The following AGBL4 variants were observed in gnomAD, a reference collection of about 807,000 sequenced individuals.
AGBL4 encodes the protein AGBL carboxypeptidase 4.
A neutral mutation model predicts 66.4 loss-of-function variants in AGBL4; 58 were observed. That is an observed-to-expected ratio of 0.87 (90% CI 0.71 to 1.09). The LOEUF (loss-of-function observed/expected upper bound fraction) is 1.09, where lower values mean the gene tolerates loss of function less well. AGBL4 is among the 50% of genes least tolerant of loss of function. AGBL4 has a pLI of 0.00. For synonymous variants in AGBL4, 234 were observed against 222.9 expected (o/e 1.05, Z -0.44); for missense variants, 579 against 631.0 (o/e 0.92, Z 0.88).
intron 3 of AGBL4, among the ~76,000 whole-genome samples, chr1:49,690,144 A>G (rs959048944): frequency 2.0e-5 from 3 of 152,108 alleles, no homozygotes; most frequent in African/African-American, 7.2e-5. Flanking sequence ...TTTTTGCAAT[A>G]AAGTGTTTCT....
rs1375300552 is a variant in AGBL4, at chr1:49,724,379, ATATAAT to A, written c.158-26948_158-26943del. Among the ~76,000 whole-genome samples the A allele has an allele frequency of 2.6e-5, 4 of 152,184 alleles. No individual in the cohort carries two copies. The East Asian group carries it at 7.7e-4, about 29-fold the overall frequency. ...TATTGACTACAAACTGTAGGTCAACATATAATTATTGTTGTGGCTATAACAGCAAAC... is the reference window on the plus strand; with the variant it reads ...TATTGACTACAAACTGTAGGTCAACATATTGTTGTGGCTATAACAGCAAAC... On this transcript the variant is annotated intron_variant, in intron 2 of 13. Coordinates refer to ENST00000371839, the MANE Select transcript of AGBL4 (RefSeq NM_032785.4).
chr1:48,672,604 C>G (rs1450850127), intron 6 of AGBL4, among the ~76,000 whole-genome samples: 3 of 152,198 alleles, frequency 2.0e-5, no homozygotes, highest in Non-Finnish European at 2.9e-5. Flanking sequence ...AAGATCTGTT[C>G]CTTAACTTGC....
chr1:49,420,652 G>A (rs1204941127), intron 3 of AGBL4, among the ~76,000 whole-genome samples: 1 of 148,016 alleles, frequency 6.8e-6, no homozygotes, highest in African/African-American at 2.5e-5. Flanking sequence ...CGTGAGCCGA[G>A]ATCGCACCAC....
intron 6 of AGBL4, among the ~76,000 whole-genome samples, chr1:48,819,047 A>G (rs1329150786): frequency 1.3e-5 from 2 of 152,180 alleles, no homozygotes; most frequent in East Asian, 1.9e-4. Context: ...TCAAAGCTTC[A>G]TGAAATATTG....
At chr1:48,539,591 A>G (rs1644030102) in intron 12 of AGBL4, 51 bp downstream of exon 12, 1 of 1,392,174 alleles carries the variant, frequency 7.2e-7, no homozygotes, top group Non-Finnish European at 9.6e-7. Flanking sequence ...GCCCCTGAAT[A>G]CAGCCCGTGG....
intron 7 of AGBL4, among the ~76,000 whole-genome samples, chr1:48,654,961 T>C (rs1376619281): frequency 1.3e-5 from 2 of 152,238 alleles, no homozygotes; most frequent in Non-Finnish European, 2.9e-5. Context: ...AATTGCTTAA[T>C]CTGTCCAGTA....
At chr1:49,010,808 G>A (rs1662338603) in intron 5 of AGBL4, among the ~76,000 whole-genome samples, 1 of 151,998 alleles carries the variant, frequency 6.6e-6, no homozygotes, top group African/African-American at 2.4e-5. Flanking sequence ...AAATGGTGCT[G>A]GGAAAACTAG....
intron 2 of AGBL4, among the ~76,000 whole-genome samples, chr1:49,747,044 G>T (rs376385444): frequency 3.7e-4 from 57 of 152,184 alleles, no homozygotes; most frequent in Admixed American, 1.2e-3. Context: ...TAGAAAACAG[G>T]TCAGCTATTG....
chr1:49,000,366 T>C (rs1157084279), intron 5 of AGBL4, among the ~76,000 whole-genome samples: 2 of 152,170 alleles, frequency 1.3e-5, no homozygotes, highest in Non-Finnish European at 2.9e-5. Context: ...CCATTGTTAA[T>C]AAGTATGTAA....
chr1:49,626,492 C>G (rs527567300), intron 3 of AGBL4, among the ~76,000 whole-genome samples: 1 of 152,286 alleles, frequency 6.6e-6, no homozygotes, highest in Admixed American at 6.5e-5. Flanking sequence ...ATTGCTGACT[C>G]TTCCTGGATG....
rs540882622 is a variant in AGBL4, at chr1:48,965,213, A to G, written c.594+80371T>C. Among the ~76,000 whole-genome samples the G allele has an allele frequency of 3.1e-3, 477 of 152,312 alleles. 4 individuals carry two copies. Among genetic ancestry groups the G allele is most frequent in the African/African-American group, 0.011 (467 of 41,568 alleles). On this transcript the variant is annotated intron_variant, in intron 5 of 13. Coordinates refer to ENST00000371839, the MANE Select transcript of AGBL4 (RefSeq NM_032785.4). ...TTCTGTACTAGGAAAGCAGGGATACAGGATTGCAAAGATAAGAGAACATTT... is the reference window on the plus strand; with the variant it reads ...TTCTGTACTAGGAAAGCAGGGATACGGGATTGCAAAGATAAGAGAACATTT...
chr1:49,382,228 AG>A (rs1464846210), intron 3 of AGBL4, among the ~76,000 whole-genome samples: 1 of 152,126 alleles, frequency 6.6e-6, no homozygotes, highest in Non-Finnish European at 1.5e-5. Context: ...AACGAGAACA[AG>A]ATAAGAAATA....
rs146737330 is a variant in AGBL4 at position 49,751,671 on chromosome 1, G to A, written c.158-54234C>T. On this transcript the variant is annotated intron_variant, in intron 2 of 13. Transcript: ENST00000371839. Reference sequence around the variant, plus strand: ...GAAGGAATGGCACCCGCTCCTCTTTGTACCTCTGGTAGAATTCGGCTGTGA... The same window carrying A: ...GAAGGAATGGCACCCGCTCCTCTTTATACCTCTGGTAGAATTCGGCTGTGA... 5.9e-4 allele frequency among the ~76,000 whole-genome samples: 90 copies of A among 152,284 alleles called. 1 individual carries two copies. The East Asian group carries it at 0.014, about 23-fold the overall frequency.
At chr1:49,800,469 C>T (rs1173146545) in intron 2 of AGBL4, among the ~76,000 whole-genome samples, 1 of 131,620 alleles carries the variant, frequency 7.6e-6, no homozygotes, top group African/African-American at 2.9e-5. Context: ...CACCCACTAA[C>T]TCGTCATCTA....
chr1:48,921,768 T>G (rs755676378), intron 5 of AGBL4, among the ~76,000 whole-genome samples: 19 of 152,196 alleles, frequency 1.2e-4, no homozygotes, highest in Non-Finnish European at 2.1e-4. Flanking sequence ...TTATACATAA[T>G]GGTAGAGCCA....
At chr1:49,671,310 T>G (rs1196172805) in intron 3 of AGBL4, among the ~76,000 whole-genome samples, 1 of 152,144 alleles carries the variant, frequency 6.6e-6, no homozygotes, top group Non-Finnish European at 1.5e-5. Flanking sequence ...GACCCCTTCC[T>G]TACACTATAT....
At chr1:49,450,327 A>G (rs1316191730) in intron 3 of AGBL4, among the ~76,000 whole-genome samples, 2 of 152,078 alleles carry the variant, frequency 1.3e-5, no homozygotes, top group African/African-American at 4.8e-5. Context: ...CACACTCATA[A>G]AAAGAGATAA....
intron 4 of AGBL4, among the ~76,000 whole-genome samples, chr1:49,181,255 A>G (rs1420467559): frequency 6.6e-6 from 1 of 152,148 alleles, no homozygotes. Flanking sequence ...GTTCCCATGG[A>G]TGGCCTCCTT....
At chr1:49,283,446 C>G (rs1040279422) in intron 3 of AGBL4, among the ~76,000 whole-genome samples, 26 of 152,340 alleles carry the variant, frequency 1.7e-4, no homozygotes, top group Non-Finnish European at 2.5e-4. Flanking sequence ...AAACGAAACT[C>G]TAAAACGCAG....
Sources: gnomAD v4.1 joint callset for allele counts (sites outside exome capture counted in the v4.1 genomes callset) on GRCh38, gnomAD v4.1.1 for gene constraint, MANE v1.5 for transcripts, NCBI Gene and HGNC (gene_info 2026-07-23, HGNC 2026-07-21) for gene names.